The following CCDC57 variants were observed in gnomAD, a reference collection of about 807,000 sequenced individuals.
CCDC57 encodes the protein coiled-coil domain-containing protein 57.
A neutral mutation model predicts 118.9 loss-of-function variants in CCDC57; 118 were observed. That is an observed-to-expected ratio of 0.99 (90% CI 0.86 to 1.16). The LOEUF (loss-of-function observed/expected upper bound fraction) is 1.16. CCDC57 is among the 50% of genes most tolerant of loss of function. CCDC57 has a pLI of 0.00. For missense variants in CCDC57, 1,300 were observed against 1,320.7 expected, an observed-to-expected ratio of 0.98 and a Z score of 0.24; for synonymous variants, 527 against 532.9, an observed-to-expected ratio of 0.99 and a Z score of 0.15.
intron 2 of CCDC57, among the ~76,000 whole-genome samples, chr17:82,206,183 C>T (rs1341919194): frequency 1.3e-5 from 2 of 152,244 alleles, no homozygotes; most frequent in African/African-American, 4.8e-5. Context: ...CAGCCAGCTC[C>T]CAGCAGGGGC....
chr17:82,102,362 G>GT lies in CCDC57; in HGVS notation c.2900-497dup, dbSNP rs370393233. 1.2e-3 allele frequency among the ~76,000 whole-genome samples: 182 copies of GT among 152,374 alleles called. 2 individuals are homozygous for GT. The highest frequency in any genetic ancestry group is 4.0e-3 in the African/African-American group (167 of 41,588). On this transcript the variant is annotated intron_variant, in intron 19 of 19. Coordinates refer to ENST00000665763, the Ensembl canonical transcript of CCDC57. ...TGAGGCCAAAGGAAAGGCCGTGCTG[G>GT]TGGGCACCACGTGGCCAGGCACAGG...
intron 16 of CCDC57, among the ~76,000 whole-genome samples, chr17:82,137,449 T>G (rs1266130760): frequency 6.6e-6 from 1 of 152,250 alleles, no homozygotes; most frequent in Non-Finnish European, 1.5e-5. Flanking sequence ...GTTGACTTAT[T>G]ATGTCTTGAT....
intron 16 of CCDC57, 40 bp from the exon 16 acceptor site, chr17:82,134,234 C>T (rs1243754255): frequency 7.8e-7 from 1 of 1,279,146 alleles, no homozygotes; most frequent in Admixed American, 4.1e-5. Flanking sequence ...CTCTGTGCAT[C>T]ACTTCTGGAT....
At position 82,135,546 on chromosome 17, in the gene CCDC57, A is replaced by G. The variant is rs528679901; in HGVS notation, c.2456-1352T>C. Among the ~76,000 whole-genome samples the G allele has an allele frequency of 9.1e-4, 139 of 152,336 alleles. 2 individuals are homozygous for G. The highest frequency in any genetic ancestry group is 3.4e-3 in the Middle Eastern group (1 of 294). ...GAGATGGGCCCTCAAGTAAAGCATC[A>G]GTTTCTTCTACGCAATAAAAGAACC... On this transcript the variant is annotated intron_variant, in intron 16 of 19. Transcript: ENST00000665763.
chr17:82,105,674 CTGAG>C (rs760000793), intron 19 of CCDC57, among the ~76,000 whole-genome samples: 1 of 152,154 alleles, frequency 6.6e-6, no homozygotes, highest in Admixed American at 6.5e-5. Context: ...CTTTGTGGGA[CTGAG>C]TGTGACAACA....
chr17:82,179,761 G>C (rs2045972598), intron 9 of CCDC57, among the ~76,000 whole-genome samples: 1 of 152,204 alleles, frequency 6.6e-6, no homozygotes, highest in African/African-American at 2.4e-5. Context: ...GGATGTAAAG[G>C]GGCAGGTCCA....
At chr17:82,158,832 A>C (rs62078313) in intron 14 of CCDC57, among the ~76,000 whole-genome samples, 36,712 of 151,638 alleles carry the variant, frequency 0.24, 5,244 homozygotes, top group Non-Finnish European at 0.33. Context: ...TGTTGGGATT[A>C]CACGTGTGAG....
At chr17:82,147,921 A>G (rs1598900530) in intron 16 of CCDC57, among the ~76,000 whole-genome samples, 1 of 40,998 alleles carries the variant, frequency 2.4e-5, no homozygotes, top group Non-Finnish European at 4.3e-5. Flanking sequence ...GATGGATGGT[A>G]GATGGATGGG....
At chr17:82,154,115 G>T (rs898648785) in intron 15 of CCDC57, 3 of 152,370 alleles carry the variant, frequency 2.0e-5, no homozygotes, top group African/African-American at 7.2e-5. Flanking sequence ...CAGTGACTGG[G>T]GGAAGTTTTG....
At position 82,179,050 on chromosome 17, in the gene CCDC57, CCT is replaced by C; in HGVS notation, c.1349_1350del (p.Gln450ArgfsTer59). The C allele has an allele frequency of 6.2e-7, 1 of 1,613,912 alleles. No individual in the cohort carries two copies. Among genetic ancestry groups the C allele is most frequent in the South Asian group, 1.1e-5 (1 of 91,070 alleles). ...ACCTGACTTTTTGCCATGCTCAGACCCTGAATCAGGGCCTCTGACTTTTGGAT... is the reference window on the plus strand; with the variant it reads ...ACCTGACTTTTTGCCATGCTCAGACCGAATCAGGGCCTCTGACTTTTGGAT... On this transcript the variant is annotated frameshift_variant, in exon 10 of 20. Coordinates refer to ENST00000665763, the Ensembl canonical transcript of CCDC57. LOFTEE classifies it high-confidence loss of function.
At chr17:82,175,863 CA>C (rs777142495) in intron 11 of CCDC57, among the ~76,000 whole-genome samples, 6 of 152,190 alleles carry the variant, frequency 3.9e-5, no homozygotes, top group Non-Finnish European at 7.3e-5. Flanking sequence ...TGACCTTTGA[CA>C]AAACTCCTAT....
At position 82,212,741 on chromosome 17, in the gene CCDC57, C is replaced by CCCCACGCCTCCACGCCT. The variant is rs1555784530; in HGVS notation, c.-211+43_-211+44insAGGCGTGGAGGCGTGGG. ...CAGGAAGAGTGGTCGGAGCGGCGCC[C>CCCCACGCCTCCACGCCT]CCCACGCCTCCCACGCCTCCCACGC... is the stretch of plus-strand genomic sequence containing the variant. On this transcript the variant is annotated intron_variant, in intron 1 of 19. Transcript: ENST00000665763. This position sits in a 1 kb window ranked among gnomAD's most constrained non-coding sequence, Gnocchi z 4.1. 18 of 151,256 alleles carry CCCCACGCCTCCACGCCT rather than the reference C, an allele frequency of 1.2e-4. No homozygotes were observed. Among genetic ancestry groups the CCCCACGCCTCCACGCCT allele is most frequent in the African/African-American group, 4.4e-4 (18 of 40,916 alleles). 9.4% of individuals were successfully genotyped at this position (151,256 alleles called of 1,614,324 possible).
intron 8 of CCDC57, 99 bp from the exon 8 acceptor site, chr17:82,184,031 G>GCGCGCGCGCGCGCGCGCGCA: frequency 7.9e-6 from 1 of 125,852 alleles, no homozygotes; most frequent in Non-Finnish European, 1.6e-5. Flanking sequence ...GCGCGCGCGC[G>GCGCGCGCGCGCGCGCGCGCA]CACACACACA....
intron 8 of CCDC57, among the ~76,000 whole-genome samples, chr17:82,187,799 G>C (rs1181014834): frequency 6.0e-5 from 8 of 132,662 alleles, no homozygotes; most frequent in Non-Finnish European, 1.3e-4. Context: ...GGGGCTGGGG[G>C]GAGCTGGCAG....
At chr17:82,128,979 C>T (rs1334484535) in intron 17 of CCDC57, among the ~76,000 whole-genome samples, 2 of 151,620 alleles carry the variant, frequency 1.3e-5, no homozygotes, top group African/African-American at 2.4e-5. Context: ...AGTACAGTGG[C>T]GTGATCTCGG....
At chr17:82,194,271 T>A in intron 5 of CCDC57, 132 bp from the exon 5 acceptor site, 1 of 926,854 alleles carries the variant, frequency 1.1e-6, no homozygotes, top group Non-Finnish European at 1.6e-6. Flanking sequence ...AGTAAAACAG[T>A]GAGAATGTCC....
intron 7 of CCDC57, among the ~76,000 whole-genome samples, chr17:82,190,941 G>C (rs1281097994): frequency 6.6e-6 from 1 of 151,488 alleles, no homozygotes; most frequent in South Asian, 2.1e-4. Context: ...AGCCTGGCAG[G>C]CTTCCACCAC....
intron 9 of CCDC57, among the ~76,000 whole-genome samples, chr17:82,182,445 CT>C (rs1445329478): frequency 6.6e-6 from 1 of 151,936 alleles, no homozygotes; most frequent in Non-Finnish European, 1.5e-5. Context: ...CCTCCGCCTC[CT>C]GGGTTCAAGT....
intron 19 of CCDC57, chr17:82,126,617 C>A: frequency 2.0e-6 from 2 of 985,422 alleles, no homozygotes; most frequent in Non-Finnish European, 2.4e-6. Context: ...TTCCGTGTGG[C>A]TACAGGACTC....
Sources: gnomAD v4.1 joint callset for allele counts (sites outside exome capture counted in the v4.1 genomes callset) on GRCh38, gnomAD v4.1.1 for gene constraint, Gnocchi (gnomAD v3.1) non-coding constraint, MANE v1.5 for transcripts, NCBI Gene and HGNC (gene_info 2026-07-23, HGNC 2026-07-21) for gene names.